COMMD4: variants seen among roughly 807,000 people sequenced by gnomAD.
The protein encoded by COMMD4 is COMM domain-containing protein 4.
COMMD4 carries 18 observed loss-of-function variants against 27.5 expected under a neutral mutation model. The ratio of observed to expected loss-of-function variants is 0.65; its 90% CI spans 0.45 to 0.97. The LOEUF (loss-of-function observed/expected upper bound fraction) is 0.97, where lower values mean the gene tolerates loss of function less well. Among genes scored for constraint, COMMD4 ranks in the 50% least tolerant of loss-of-function variants. The pLI, the probability that COMMD4 is intolerant of heterozygous loss-of-function variation, is 0.00. For synonymous variants in COMMD4, 108 were observed against 108.4 expected (o/e 1.00, Z 0.02); for missense variants, 243 against 250.0 (o/e 0.97, Z 0.19).
chr15:75,342,656 A>AGGAGGTAACTG (rs2071437272), downstream of COMMD4: 1 of 152,200 alleles, frequency 6.6e-6, no homozygotes, highest in Non-Finnish European at 1.5e-5. Context: ...ACAAAGTTCC[A>AGGAGGTAACTG]GTTAGGAGGA....
chr15:75,336,135 G>A (rs1451249251), intron 1 of COMMD4, 43 bp downstream of exon 1: 10 of 1,549,648 alleles, frequency 6.5e-6, no homozygotes, highest in Non-Finnish European at 8.7e-6. Context: ...TGCTGGAGCG[G>A]GAATGAGGGG....
chr15:75,338,137 G>C lies in COMMD4; in HGVS notation c.75+4G>C. On this transcript the variant is annotated splice_donor_region_variant and intron_variant, in intron 2 of 7. Transcript: ENST00000267935. The stretch of plus-strand genomic sequence containing the variant: ...AATCAGCACGCTGGCCAAGATGGTT[G>C]AGTGCACAGGGTCTAGTCTGGGTGG... The C allele has an allele frequency of 6.3e-7, 1 of 1,599,370 alleles. No individual in the cohort carries two copies. Among genetic ancestry groups the C allele is most frequent in the Non-Finnish European group, 8.5e-7 (1 of 1,172,792 alleles).
At position 75,339,105 on chromosome 15, in the gene COMMD4, G is replaced by T. The variant is rs1436642947; in HGVS notation, c.301+1G>T. ...CTGCAGCAGCTGGGGCTGCCCAAAG[G>T]TACGGGTTGTGGGTGGGCAGCTGGG... On this transcript the variant is annotated splice_donor_variant, in intron 5 of 7. Coordinates refer to ENST00000267935, the MANE Select transcript of COMMD4 (RefSeq NM_017828.5). LOFTEE classifies it high-confidence loss of function. The T allele has an allele frequency of 8.7e-6, 14 of 1,613,186 alleles. No individual in the cohort carries two copies. The Admixed American group carries it at 2.3e-4, about 27-fold the overall frequency.
chr15:75,341,096 G>T (rs1028921864), downstream of COMMD4: 3 of 152,538 alleles, frequency 2.0e-5, no homozygotes, highest in African/African-American at 7.2e-5. Context: ...AGGGCCATGT[G>T]CGCACACGAG....
rs1390109771 is a variant in COMMD4, at chr15:75,339,787, C to T, written c.468C>T (p.His156=). Residue 156 remains histidine (H), a synonymous_variant, in exon 7 of 8, where the codon CAC becomes CAT. Coordinates refer to ENST00000267935, the MANE Select transcript of COMMD4 (RefSeq NM_017828.5). Reference sequence around the variant, plus strand: ...AATCCGTGGAAGAGCCCATGGTGCACCTGCGGCTGGAGGTGGCAGCTGCCC... The same window carrying T: ...AATCCGTGGAAGAGCCCATGGTGCATCTGCGGCTGGAGGTGGCAGCTGCCC... The part of the protein sequence containing the change: ...LLQSVEEPMV[H]LRLEVAAAPG... 5 of 1,614,150 alleles carry T rather than the reference C, an allele frequency of 3.1e-6. No individual in the cohort carries two copies. The highest frequency in any genetic ancestry group is 1.1e-5 in the South Asian group (1 of 91,060).
chr15:75,336,593 T>G (rs779709732), intron 1 of COMMD4: 1 of 204,278 alleles, frequency 4.9e-6, no homozygotes, highest in Non-Finnish European at 1.0e-5. Flanking sequence ...AATCCATCCA[T>G]CCGTACGTTC....
At chr15:75,337,606 A>AG (rs2071253321) in intron 1 of COMMD4, 1 of 159,802 alleles carries the variant, frequency 6.3e-6, no homozygotes, top group Non-Finnish European at 1.4e-5. Flanking sequence ...AAAAAAAAAA[A>AG]GGATAGCAAG....
At chr15:75,338,900 G>A (rs781363391) in intron 4 of COMMD4, 85 bp from the exon 5 acceptor site, 10 of 1,609,358 alleles carry the variant, frequency 6.2e-6, no homozygotes, top group Non-Finnish European at 8.5e-6. Flanking sequence ...AGGAGGCCTG[G>A]GGGCTTTGAG....
chr15:75,340,685 A>C (rs1299068393), downstream of COMMD4: 1 of 151,774 alleles, frequency 6.6e-6, no homozygotes, highest in African/African-American at 2.4e-5. Flanking sequence ...TTATTTTGAG[A>C]TGGTACAGTG....
chr15:75,339,501 A>G (rs185914538), intron 6 of COMMD4, 157 bp downstream of exon 6: 24 of 1,221,616 alleles, frequency 2.0e-5, no homozygotes, highest in Middle Eastern at 2.7e-4. Flanking sequence ...ACTCCCCACA[A>G]GGTTTCTTGT....
chr15:75,341,281 G>C (rs1398983532), downstream of COMMD4: 1 of 152,404 alleles, frequency 6.6e-6, no homozygotes, highest in Non-Finnish European at 1.5e-5. Context: ...GGGCTTCCAG[G>C]ACTGGCCCAG....
chr15:75,339,631 G>T (rs2071372551), intron 6 of COMMD4, 71 bp from the exon 7 acceptor site: 2 of 1,488,942 alleles, frequency 1.3e-6, no homozygotes, highest in Admixed American at 2.1e-5. Context: ...TGAGAGCTGA[G>T]CCAGGGTGTC....
Position 75,340,211 on chromosome 15 carries a change from C to A in COMMD4, c.*206C>A, listed in dbSNP as rs2071410149. The A allele has an allele frequency of 1.7e-6, 1 of 586,636 alleles. No individual in the cohort carries two copies. Among genetic ancestry groups the A allele is most frequent in the African/African-American group, 1.9e-5 (1 of 53,754 alleles). The allele number at this position is 586,636 out of a possible 1,614,324, so 36.3% of individuals were successfully genotyped here. ...ACCTTTCCCAGCATTACCTTCCCTT[C>A]CCTTGAAAGGCAATTGTTGGCTGTT... On this transcript the variant is annotated 3_prime_UTR_variant, in exon 8 of 8. Transcript: ENST00000267935.
intron 1 of COMMD4, 104 bp from the exon 2 acceptor site, chr15:75,337,958 C>T (rs2071272050): frequency 2.5e-5 from 29 of 1,164,698 alleles, no homozygotes; most frequent in Non-Finnish European, 3.3e-5. Context: ...CCATCTATGT[C>T]GGGGACCAGG....
chr15:75,338,768 T>A (rs547516455), intron 4 of COMMD4, 83 bp downstream of exon 4: 2 of 1,493,336 alleles, frequency 1.3e-6, no homozygotes, highest in South Asian at 1.2e-5. Context: ...CCCCCACCCC[T>A]CCCAGCAGCA....
Position 75,339,246 on chromosome 15 carries a change from A to T in COMMD4, c.302-18A>T, listed in dbSNP as rs34234047. ...GCCCCGACATGCTACCTCCAGAGCT[A>T]CTCCATTCTACCCCCAGAGCACGCG... is the stretch of plus-strand genomic sequence containing the variant. On this transcript the variant is annotated intron_variant, in intron 5 of 7. Transcript: ENST00000267935. 0.098 allele frequency: 157,544 copies of T among 1,610,582 alleles called. 8,167 individuals carry two copies. Among genetic ancestry groups the T allele is most frequent in the East Asian group, 0.11 (4,796 of 44,828 alleles).
In COMMD4 at chr15:75,338,391, C is replaced by A. The variant is rs777200961; in HGVS notation, c.112C>A (p.Leu38Ile). Residue 38 changes from leucine to isoleucine, a missense_variant, in exon 3 of 8, where the codon CTA becomes ATA. Transcript: ENST00000267935. ...GTTGCGGCTGCTCTGCAGCCAGGTA[C>A]TAAAGGAGCTGCTGGGACAGGGGAT... is the stretch of plus-strand genomic sequence containing the variant. ...VKLRLLCSQV[L>I]KELLGQGIDY... is the part of the protein sequence containing the mutation. The A allele has an allele frequency of 1.1e-5, 18 of 1,598,816 alleles. No homozygotes were observed. Among genetic ancestry groups the A allele is most frequent in the Non-Finnish European group, 1.5e-5 (18 of 1,173,308 alleles).
chr15:75,336,182 TG>T (rs377456117), intron 1 of COMMD4, 90 bp downstream of exon 1: 12 of 1,549,270 alleles, frequency 7.7e-6, no homozygotes, highest in Middle Eastern at 2.3e-4. Flanking sequence ...GAGGTTGTAC[TG>T]GCCTCTCCGC....
At position 75,337,686 on chromosome 15, in the gene COMMD4, T is replaced by C. The variant is rs74247785; in HGVS notation, c.4-376T>C. 8.2e-3 allele frequency: 1,958 copies of C among 239,626 alleles called. 47 individuals are homozygous for C. The East Asian group carries it at 0.092, about 11-fold the overall frequency. 14.8% of individuals were successfully genotyped at this position (239,626 alleles called of 1,614,324 possible). On this transcript the variant is annotated intron_variant, in intron 1 of 7. Coordinates refer to ENST00000267935, the MANE Select transcript of COMMD4 (RefSeq NM_017828.5). ...TGTGCCCCAGCAGCAGCAGGGAAGC[T>C]GGAGTGGCTGGAGTTGTGTGGGTAT...
Sources: allele counts gnomAD v4.1 joint callset, GRCh38; gene constraint gnomAD v4.1.1; transcripts MANE v1.5; gene names NCBI Gene and HGNC (gene_info 2026-07-23, HGNC 2026-07-21).